Variants in JKAMP observed in about 807,000 individuals in gnomAD.
JKAMP encodes the protein JNK1/MAPK8 associated membrane protein, also known as JNK1/MAPK8-associated membrane protein.
JKAMP carries 20 observed loss-of-function variants against 40.2 expected under a neutral mutation model. The observed-to-expected ratio is 0.50, with a 90% confidence interval of 0.35 to 0.72. JKAMP has a LOEUF of 0.72. Ranked by LOEUF, JKAMP falls within the 30% of genes least tolerant of loss-of-function variation. The pLI is 0.01. For synonymous variants in JKAMP, 138 were observed against 131.6 expected (o/e 1.05, Z -0.33); for missense variants, 276 against 373.0 (o/e 0.74, Z 2.14).
Position 59,504,263 on chromosome 14 carries a change from C to T in JKAMP, c.*191C>T. On this transcript the variant is annotated 3_prime_UTR_variant, in exon 7 of 7. Coordinates refer to ENST00000616435, the MANE Select transcript of JKAMP (RefSeq NM_016475.5). Reference sequence around the variant, plus strand: ...TTGGAAAATGCAAAACTCTGTAATACTCTGTTACACAGGGTAATATTATCT... The same window carrying T: ...TTGGAAAATGCAAAACTCTGTAATATTCTGTTACACAGGGTAATATTATCT... 1.7e-6 allele frequency: 1 copy of T among 588,506 alleles called. No individual in the cohort carries two copies. The highest frequency in any genetic ancestry group is 3.0e-6 in the Non-Finnish European group (1 of 332,506). The allele number at this position is 588,506 out of a possible 1,614,324, so 36.5% of individuals were successfully genotyped here.
chr14:59,487,758 C>A lies in JKAMP; in HGVS notation c.181C>A (p.Leu61Ile). 1.9e-6 allele frequency: 3 copies of A among 1,613,348 alleles called. No homozygotes were observed. Among genetic ancestry groups the A allele is most frequent in the Non-Finnish European group, 2.5e-6 (3 of 1,179,430 alleles). Residue 61 changes from leucine (L) to isoleucine (I), a missense_variant, in exon 3 of 7, where the codon CTT becomes ATT. Physicochemically the swap from Leu to Ile is conservative, Grantham distance 5. Coordinates refer to ENST00000616435, the MANE Select transcript of JKAMP (RefSeq NM_016475.5). ...TCCTGAACTTTATGATTGGCTCTATCTTGGATTTATGGCAATGCTTCCTCT... is the reference window on the plus strand; with the variant it reads ...TCCTGAACTTTATGATTGGCTCTATATTGGATTTATGGCAATGCTTCCTCT... ...ESPELYDWLY[L>I]GFMAMLPLVL...
Position 59,503,945 on chromosome 14 carries a change from G to A in JKAMP, c.809G>A (p.Arg270Lys). ...LHAYGIISIS[R>K]VDKLEQDLPL... ...GCCTATGGAATAATCTCCATTTCCA[G>A]AGTGGATAAACTTGAGCAAGATTTG... The change falls in exon 7 of 7, where the codon AGA (arginine) becomes AAA (lysine). Residue 270 changes from arginine (R) to lysine (K), a missense_variant. By Grantham distance (26) the Arg-to-Lys change is conservative. Coordinates refer to ENST00000616435, the MANE Select transcript of JKAMP (RefSeq NM_016475.5). The A allele has an allele frequency of 1.9e-6, 3 of 1,613,558 alleles. No homozygotes were observed. The highest frequency in any genetic ancestry group is 2.5e-6 in the Non-Finnish European group (3 of 1,179,558).
In JKAMP at chr14:59,488,480, G is replaced by A. The variant is rs1312774188; in HGVS notation, c.251+652G>A. Among the ~76,000 whole-genome samples, 4 of 152,074 alleles carry A rather than the reference G, an allele frequency of 2.6e-5. No individual in the cohort carries two copies. The East Asian group carries it at 7.7e-4, about 29-fold the overall frequency. On this transcript the variant is annotated intron_variant, in intron 3 of 6. Coordinates refer to ENST00000616435, the MANE Select transcript of JKAMP (RefSeq NM_016475.5). Reference sequence around the variant, plus strand: ...AAGATTTCAAAAAAGGAACATTTTAGGCAGAAGAAACAGCATGAATAATGG... The same window carrying A: ...AAGATTTCAAAAAAGGAACATTTTAAGCAGAAGAAACAGCATGAATAATGG...
At chr14:59,494,220 G>A (rs1333559122) in intron 3 of JKAMP, among the ~76,000 whole-genome samples, 1 of 151,884 alleles carries the variant, frequency 6.6e-6, no homozygotes, top group Admixed American at 6.6e-5. Context: ...AAAGCCTGGT[G>A]TATTAAAATT....
intron 4 of JKAMP, among the ~76,000 whole-genome samples, chr14:59,498,186 C>T (rs1368502002): frequency 1.3e-5 from 2 of 152,138 alleles, no homozygotes; most frequent in South Asian, 2.1e-4. Flanking sequence ...CATGTGTATG[C>T]ATTTTAAGGA....
rs1261542178 is a variant in JKAMP at position 59,495,044 on chromosome 14, C to T, written c.278C>T (p.Thr93Ile). ...TCCAGCGCACTTTTCCAACACATCACTGCATTATTTGAATGCAGCATGGCA... is the reference window on the plus strand; with the variant it reads ...TCCAGCGCACTTTTCCAACACATCATTGCATTATTTGAATGCAGCATGGCA... ...KSSSALFQHI[T>I]ALFECSMAAI... is the part of the protein sequence containing the mutation. Residue 93 changes from threonine to isoleucine, a missense_variant, in exon 4 of 7, where the codon ACT becomes ATT. Transcript: ENST00000616435. 4.3e-6 allele frequency: 7 copies of T among 1,613,842 alleles called. No individual in the cohort carries two copies. The highest frequency in any genetic ancestry group is 1.6e-4 in the Middle Eastern group (1 of 6,062).
chr14:59,484,777 CGGGCTACTA>C, intron 1 of JKAMP, 184 bp downstream of exon 1: 1 of 930,736 alleles, frequency 1.1e-6, no homozygotes, highest in Non-Finnish European at 1.6e-6. Flanking sequence ...CTGTCCGCAA[CGGGCTACTA>C]GGGGAGGCGC....
chr14:59,489,799 A>G (rs1297694776), intron 3 of JKAMP, among the ~76,000 whole-genome samples: 2 of 152,192 alleles, frequency 1.3e-5, no homozygotes, highest in African/African-American at 2.4e-5. Context: ...GCTTACAATC[A>G]TGGCAGAAGG....
intron 1 of JKAMP, chr14:59,484,845 T>G (rs1890403903): frequency 9.4e-7 from 1 of 1,060,216 alleles, no homozygotes; most frequent in Admixed American, 2.9e-5. Flanking sequence ...CCGAAATGTC[T>G]CTTCAGTCCC....
intron 4 of JKAMP, among the ~76,000 whole-genome samples, chr14:59,495,977 C>T (rs1891411552): frequency 6.6e-6 from 1 of 152,240 alleles, no homozygotes. Context: ...GATCTCAGCT[C>T]ACTGCAACCT....
intron 2 of JKAMP, chr14:59,487,072 G>A (rs781342183): frequency 1.2e-5 from 3 of 260,726 alleles, no homozygotes; most frequent in Non-Finnish European, 2.2e-5. Flanking sequence ...GCATAGTTGT[G>A]TGCGCCTGTA....
intron 3 of JKAMP, among the ~76,000 whole-genome samples, chr14:59,494,756 C>T (rs1891310957): frequency 6.6e-6 from 1 of 152,098 alleles, no homozygotes; most frequent in African/African-American, 2.4e-5. Context: ...AAATGATACA[C>T]AGATAACTAA....
intron 1 of JKAMP, chr14:59,485,320 T>C (rs969630947): frequency 4.1e-5 from 20 of 488,884 alleles, no homozygotes; most frequent in African/African-American, 6.0e-5. Context: ...ATTTAGAACA[T>C]TGTGATTACA....
chr14:59,497,489 A>G (rs1451554229), intron 4 of JKAMP, among the ~76,000 whole-genome samples: 7 of 152,166 alleles, frequency 4.6e-5, no homozygotes, highest in African/African-American at 1.7e-4. Flanking sequence ...ATTAAAGTGA[A>G]TCTTTTTGGA....
intron 1 of JKAMP, 21 bp downstream of exon 1, chr14:59,484,614 C>T: frequency 6.3e-7 from 1 of 1,578,282 alleles, no homozygotes; most frequent in Non-Finnish European, 8.6e-7. Flanking sequence ...GCCAAGATCC[C>T]GGGAAGCGTT....
intron 2 of JKAMP, 96 bp from the exon 3 acceptor site, chr14:59,487,574 ATATT>A: frequency 2.3e-6 from 2 of 869,368 alleles, no homozygotes; most frequent in Admixed American, 4.5e-5. Flanking sequence ...GTAAACTTAA[ATATT>A]TAAACTGAAA....
At chr14:59,498,674 A>C (rs1891626812) in intron 4 of JKAMP, 53 bp from the exon 5 acceptor site, 2 of 1,009,440 alleles carry the variant, frequency 2.0e-6, no homozygotes, top group Non-Finnish European at 2.9e-6. Context: ...ATCAAGATTA[A>C]AAACATTTTT....
At chr14:59,489,864 TA>T (rs1389676612) in intron 3 of JKAMP, among the ~76,000 whole-genome samples, 1 of 141,910 alleles carries the variant, frequency 7.0e-6, no homozygotes, top group Non-Finnish European at 1.5e-5. Context: ...CACATGGTGA[TA>T]GGGGGAGGAG....
At chr14:59,488,615 A>G (rs1425694336) in intron 3 of JKAMP, among the ~76,000 whole-genome samples, 2 of 152,186 alleles carry the variant, frequency 1.3e-5, no homozygotes, top group East Asian at 3.9e-4. Flanking sequence ...AGTAGGAAAG[A>G]TAGGTTGAGG....
Sources: gnomAD v4.1 joint callset for allele counts (sites outside exome capture counted in the v4.1 genomes callset) on GRCh38, gnomAD v4.1.1 for gene constraint, MANE v1.5 for transcripts, NCBI Gene and HGNC (gene_info 2026-07-23, HGNC 2026-07-21) for gene names.